PIK3CD: variants seen among roughly 807,000 people sequenced by gnomAD.
PIK3CD encodes the protein phosphatidylinositol 4,5-bisphosphate 3-kinase catalytic subunit delta isoform.
In PIK3CD, 20 loss-of-function variants were observed where a neutral mutation model predicts 122.9. The observed-to-expected ratio is 0.16, with a 90% CI of 0.11 to 0.24. The LOEUF is 0.24. Among genes scored for constraint, PIK3CD ranks in the 10% least tolerant of loss-of-function variants. The pLI, the probability that PIK3CD is intolerant of heterozygous loss-of-function variation, is 1.00. For missense variants in PIK3CD, 787 were observed against 1,406.3 expected, an observed-to-expected ratio of 0.56 and a Z score of 7.04; for synonymous variants, 596 against 593.4, an observed-to-expected ratio of 1.00 and a Z score of -0.06.
At chr1:9,669,900 G>A (rs200851998) in intron 1 of PIK3CD, among the ~76,000 whole-genome samples, 16 of 152,206 alleles carry the variant, frequency 1.1e-4, no homozygotes, top group East Asian at 5.8e-4. Flanking sequence ...CTTGCCAGGC[G>A]CGGTGGCTCA....
At chr1:9,662,408 T>C in intron 1 of PIK3CD, 1 of 166,130 alleles carries the variant, frequency 6.0e-6, no homozygotes, top group South Asian at 1.7e-4. Flanking sequence ...CCCCCTGCAC[T>C]CGTTCAGTGT....
chr1:9,654,167 A>G (rs1557588153), intron 1 of PIK3CD: 1 of 1,340,386 alleles, frequency 7.5e-7, no homozygotes, highest in East Asian at 4.7e-5. Context: ...GCCCCTGTTC[A>G]GAAACAGACT....
rs11582395 is a variant in PIK3CD, at chr1:9,724,625, T to C, written c.2865-179T>C. The stretch of plus-strand genomic sequence containing the variant: ...GCAATGTGGGCAGGTTTGTGGGTCA[T>C]GTAGCAGGAGGCTGGCTGGGGCACG... On this transcript the variant is annotated intron_variant, in intron 22 of 23. Coordinates refer to ENST00000377346, the MANE Select transcript of PIK3CD (RefSeq NM_005026.5). This position sits in a 1 kb window ranked among gnomAD's most constrained non-coding sequence, Gnocchi z 7.3. Among the ~76,000 whole-genome samples the C allele has an allele frequency of 7.2e-5, 11 of 152,208 alleles. No homozygotes were observed. The highest frequency in any genetic ancestry group is 1.5e-4 in the Non-Finnish European group (10 of 68,040).
intron 1 of PIK3CD, among the ~76,000 whole-genome samples, chr1:9,672,983 T>C (rs577219183): frequency 6.6e-6 from 1 of 152,302 alleles, no homozygotes; most frequent in African/African-American, 2.4e-5. Flanking sequence ...TATGTCAGTG[T>C]ACATTGGTTC....
chr1:9,673,562 T>G (rs538480087), intron 1 of PIK3CD, among the ~76,000 whole-genome samples: 1 of 151,850 alleles, frequency 6.6e-6, no homozygotes, highest in East Asian at 1.9e-4. Context: ...TGCCTGGCCT[T>G]GGCTAATTTT....
Position 9,708,074 on chromosome 1 carries a change from G to T in PIK3CD, c.-32-2350G>T, listed in dbSNP as rs564922550. Among the ~76,000 whole-genome samples the T allele has an allele frequency of 4.3e-4, 66 of 152,092 alleles. 1 individual carries two copies. The highest frequency in any genetic ancestry group is 1.5e-3 in the African/African-American group (63 of 41,496). On this transcript the variant is annotated intron_variant, in intron 2 of 23. Coordinates refer to ENST00000377346, the MANE Select transcript of PIK3CD (RefSeq NM_005026.5). ...CTCCCAAAGTGCTGAGATTACAGGC[G>T]TGAGCCACCGCGCCTGGTCCCGCCT...
intron 1 of PIK3CD, among the ~76,000 whole-genome samples, chr1:9,671,083 G>A (rs1645307918): frequency 1.3e-5 from 2 of 151,224 alleles, no homozygotes; most frequent in South Asian, 2.1e-4. Context: ...TTAGAAACGA[G>A]TCTCACTCTA....
In PIK3CD at chr1:9,700,176, G is replaced by A. The variant is rs1384679308; in HGVS notation, c.-33+8605G>A. Among the ~76,000 whole-genome samples, 1 of 152,024 alleles carries A rather than the reference G, an allele frequency of 6.6e-6. No homozygotes were observed. The highest frequency in any genetic ancestry group is 6.5e-5 in the Admixed American group (1 of 15,270). ...GAGACAGAGTCTCACTCTTGCCCAG[G>A]CTGGAATGCAGTGGTGTGATCTCGG... is the stretch of plus-strand genomic sequence containing the variant. On this transcript the variant is annotated intron_variant, in intron 2 of 23. Coordinates refer to ENST00000377346, the MANE Select transcript of PIK3CD (RefSeq NM_005026.5). This position sits in a 1 kb window ranked among gnomAD's most constrained non-coding sequence, Gnocchi z 5.1.
chr1:9,659,029 C>T (rs539425591), intron 1 of PIK3CD, among the ~76,000 whole-genome samples: 5 of 152,312 alleles, frequency 3.3e-5, no homozygotes, highest in African/African-American at 1.2e-4. Context: ...ATCATCATCC[C>T]TCTAGCCCAA....
At chr1:9,644,885 A>G in the PIK3CD span, among the ~76,000 whole-genome samples, 2 of 152,140 alleles carry the variant, frequency 1.3e-5, no homozygotes, top group Non-Finnish European at 2.9e-5. Context: ...ATTTGATGGA[A>G]GAGAAAAGAG....
intron 2 of PIK3CD, among the ~76,000 whole-genome samples, chr1:9,705,104 CTT>C (rs1191639963): frequency 6.6e-6 from 1 of 152,052 alleles, no homozygotes; most frequent in African/African-American, 2.4e-5. Flanking sequence ...GTAGAGAAGT[CTT>C]TGCTTAAAGA....
At chr1:9,684,931 C>A (rs1645912259) in intron 1 of PIK3CD, among the ~76,000 whole-genome samples, 1 of 151,410 alleles carries the variant, frequency 6.6e-6, no homozygotes, top group South Asian at 2.1e-4. Context: ...TGCTTATATC[C>A]CCAACCCCTC....
intron 2 of PIK3CD, among the ~76,000 whole-genome samples, chr1:9,703,903 T>C (rs1300961719): frequency 1.3e-5 from 2 of 152,202 alleles, no homozygotes; most frequent in Admixed American, 1.3e-4. Flanking sequence ...TGCTGGGTCC[T>C]AGGGCATAGG....
chr1:9,711,798 A>G (rs1412162952), intron 3 of PIK3CD, among the ~76,000 whole-genome samples: 2 of 152,018 alleles, frequency 1.3e-5, no homozygotes, highest in Admixed American at 6.6e-5. Flanking sequence ...CCCAGGCTAG[A>G]ATGTGCCTTT....
chr1:9,688,966 C>T (rs1259838268), intron 1 of PIK3CD, among the ~76,000 whole-genome samples: 2 of 152,162 alleles, frequency 1.3e-5, no homozygotes, highest in Non-Finnish European at 2.9e-5. Flanking sequence ...CATTTATTTT[C>T]TAAATCTCAC....
intron 2 of PIK3CD, among the ~76,000 whole-genome samples, chr1:9,708,067 T>A (rs186532877): frequency 5.0e-4 from 76 of 152,138 alleles, no homozygotes; most frequent in African/African-American, 1.6e-3. Context: ...GTGCTGAGAT[T>A]ACAGGCGTGA....
chr1:9,722,647 C>T lies in PIK3CD; in HGVS notation c.2426+41C>T, dbSNP rs1249253899. ...CCACATCGTCCCTTGGTGTCTGTGC[C>T]CAGCCTGGGAGTCTGTGCCCCTGGA... On this transcript the variant is annotated intron_variant, in intron 19 of 23. Transcript: ENST00000377346. This position sits in a 1 kb window ranked among gnomAD's most constrained non-coding sequence, Gnocchi z 7.6. 1 of 1,533,006 alleles carries T rather than the reference C, an allele frequency of 6.5e-7. No homozygotes were observed. The highest frequency in any genetic ancestry group is 9.0e-7 in the Non-Finnish European group (1 of 1,106,808). 95.0% of individuals were successfully genotyped at this position (1,533,006 alleles called of 1,614,324 possible).
At chr1:9,638,731 C>CAAA in the PIK3CD span, among the ~76,000 whole-genome samples, 210 of 69,092 alleles carry the variant, frequency 3.0e-3, 5 homozygotes, top group South Asian at 0.013. Flanking sequence ...GACTCCTTCT[C>CAAA]AAAAAAAAAA....
rs768015722 is a variant in PIK3CD, at chr1:9,723,320, C to T, written c.2594+28C>T. The T allele has an allele frequency of 1.2e-6, 2 of 1,612,562 alleles. No individual in the cohort carries two copies. The highest frequency in any genetic ancestry group is 1.7e-5 in the Admixed American group (1 of 60,020). On this transcript the variant is annotated intron_variant, in intron 20 of 23. Coordinates refer to ENST00000377346, the MANE Select transcript of PIK3CD (RefSeq NM_005026.5). This position sits in a 1 kb window ranked among gnomAD's most constrained non-coding sequence, Gnocchi z 4.9. ...GGGTTTCAGGCCCAGGGATAGGTTC[C>T]CTCTCCTTTCCAAGAGGTGTGGAGT... is the stretch of plus-strand genomic sequence containing the variant.
Sources: gnomAD v4.1 joint callset for allele counts (sites outside exome capture counted in the v4.1 genomes callset) on GRCh38, gnomAD v4.1.1 for gene constraint, Gnocchi (gnomAD v3.1) non-coding constraint, MANE v1.5 for transcripts, NCBI Gene and HGNC (gene_info 2026-07-23, HGNC 2026-07-21) for gene names.